TMTC2: variants seen among roughly 807,000 people sequenced by gnomAD.
TMTC2 encodes protein O-mannosyl-transferase TMTC2.
Under a neutral mutation model 82.4 loss-of-function variants are expected in TMTC2, and 43 were observed. The ratio of observed to expected loss-of-function variants is 0.52; its 90% CI spans 0.41 to 0.67. The LOEUF (loss-of-function observed/expected upper bound fraction) is 0.67. Ranked by LOEUF, TMTC2 falls within the 30% of genes least tolerant of loss-of-function variation. TMTC2 has a pLI of 0.00. For missense variants in TMTC2, 919 were observed against 1,012.4 expected, an observed-to-expected ratio of 0.91 and a Z score of 1.25; for synonymous variants, 408 against 381.9, an observed-to-expected ratio of 1.07 and a Z score of -0.80.
At chr12:83,080,763 A>G (rs774193438) in intron 11 of TMTC2, among the ~76,000 whole-genome samples, 9 of 152,220 alleles carry the variant, frequency 5.9e-5, no homozygotes, top group African/African-American at 9.6e-5. Flanking sequence ...AATTGTCCAG[A>G]GTATCTAATC....
intron 11 of TMTC2, 91 bp downstream of exon 11, chr12:83,061,922 TTTTTG>T (rs139869818): frequency 5.6e-6 from 6 of 1,067,742 alleles, no homozygotes; most frequent in South Asian, 2.1e-5. Context: ...GGTTTTTTGT[TTTTTG>T]TTTTGTTTTG....
chr12:83,019,860 G>A lies in TMTC2; in HGVS notation c.2071-10938G>A, dbSNP rs148562217. Among the ~76,000 whole-genome samples the A allele has an allele frequency of 5.4e-3, 820 of 152,188 alleles. 6 individuals are homozygous for A. The highest frequency in any genetic ancestry group is 0.018 in the African/African-American group (762 of 41,538). The stretch of plus-strand genomic sequence containing the variant: ...AGTGATATTCATAAAACAGCGGCTA[G>A]CATCTTAGTATGACTGATAAGCCAG... On this transcript the variant is annotated intron_variant, in intron 8 of 11. Coordinates refer to ENST00000321196, the MANE Select transcript of TMTC2 (RefSeq NM_152588.3).
At chr12:83,117,057 T>G (rs1010604818) in intron 11 of TMTC2, among the ~76,000 whole-genome samples, 3 of 152,212 alleles carry the variant, frequency 2.0e-5, no homozygotes, top group African/African-American at 7.2e-5. Flanking sequence ...TTTTATACTT[T>G]CAGGTCTTAG....
At chr12:83,006,995 A>T (rs1655596) in intron 8 of TMTC2, among the ~76,000 whole-genome samples, 4 of 151,870 alleles carry the variant, frequency 2.6e-5, no homozygotes, top group East Asian at 1.9e-4. Flanking sequence ...GTAAATGACG[A>T]GTTGATGGGT....
rs989695738 is a variant in TMTC2 at position 83,132,857 on chromosome 12, A to T, written c.*468A>T. 1 of 156,732 alleles carries T rather than the reference A, an allele frequency of 6.4e-6. No individual in the cohort carries two copies. Among genetic ancestry groups the T allele is most frequent in the African/African-American group, 2.4e-5 (1 of 41,456 alleles). 9.7% of individuals were successfully genotyped at this position (156,732 alleles called of 1,614,324 possible). A position where few individuals can be genotyped will look rare whatever the true frequency, so the allele number is the denominator to read the frequency against. On this transcript the variant is annotated 3_prime_UTR_variant, in exon 12 of 12. Coordinates refer to ENST00000321196, the MANE Select transcript of TMTC2 (RefSeq NM_152588.3). ...TCCCAGTGAGCCGCCGGTTGTCCTA[A>T]CGCTGCTGTCTTCCCTGTTTGGGAC...
Position 82,687,619 on chromosome 12 carries a change from G to A in TMTC2, c.33G>A (p.Gly11=), listed in dbSNP as rs754117476. Residue 11 remains glycine (G), a synonymous_variant, in exon 1 of 12, where the codon GGG becomes GGA. Coordinates refer to ENST00000321196, the MANE Select transcript of TMTC2 (RefSeq NM_152588.3). The part of the protein sequence containing the change: MIAELVSSAL[G]LALYLNTLSA... ...CAGAGTTGGTGAGCAGCGCTCTGGG[G>A]CTCGCCTTGTATCTCAACACCCTGA... 6.2e-7 allele frequency: 1 copy of A among 1,603,500 alleles called. No homozygotes were observed. The highest frequency in any genetic ancestry group is 8.5e-7 in the Non-Finnish European group (1 of 1,176,320).
At chr12:83,127,183 A>G (rs907896542) in intron 11 of TMTC2, among the ~76,000 whole-genome samples, 1 of 152,136 alleles carries the variant, frequency 6.6e-6, no homozygotes, top group Non-Finnish European at 1.5e-5. Context: ...AAATATCCCA[A>G]AGATGTGTTG....
rs1477099251 is a variant in TMTC2 at position 82,857,353 on chromosome 12, G to T, written c.427G>T (p.Gly143Trp). Residue 143 changes from glycine (G) to tryptophan (W), a missense_variant, in exon 2 of 12, where the codon GGG (glycine) becomes TGG (tryptophan). Physicochemically the swap from Gly to Trp is radical, Grantham distance 184 (BLOSUM62 -2). Transcript: ENST00000321196. Reference protein sequence around the residue: ...VAGIVGRADVGASLFFLLSLL... With the variant: ...VAGIVGRADVWASLFFLLSLL... Reference sequence around the variant, plus strand: ...AGGAATCGTGGGACGAGCCGATGTCGGGGCCAGTCTCTTCTTTCTCCTCTC... The same window carrying T: ...AGGAATCGTGGGACGAGCCGATGTCTGGGCCAGTCTCTTCTTTCTCCTCTC... 1 of 1,614,122 alleles carries T rather than the reference G, an allele frequency of 6.2e-7. No individual in the cohort carries two copies. Among genetic ancestry groups the T allele is most frequent in the Admixed American group, 1.7e-5 (1 of 60,022 alleles).
chr12:82,765,666 C>G (rs1876908772), intron 1 of TMTC2, among the ~76,000 whole-genome samples: 1 of 151,520 alleles, frequency 6.6e-6, no homozygotes. Context: ...AAGAGTGAAA[C>G]TCCATCTCGA....
chr12:83,056,998 G>C (rs1225277841), intron 10 of TMTC2, among the ~76,000 whole-genome samples: 1 of 151,764 alleles, frequency 6.6e-6, no homozygotes, highest in African/African-American at 2.4e-5. Context: ...TTGATTCTTG[G>C]ACCACCACTT....
At chr12:82,970,417 C>T (rs1316633398) in intron 7 of TMTC2, among the ~76,000 whole-genome samples, 1 of 152,056 alleles carries the variant, frequency 6.6e-6, no homozygotes, top group Admixed American at 6.5e-5. Flanking sequence ...CTGCAAGCTC[C>T]GCTTCCCGGG....
chr12:82,735,733 G>A (rs1329581438), intron 1 of TMTC2, among the ~76,000 whole-genome samples: 7 of 151,484 alleles, frequency 4.6e-5, no homozygotes, highest in African/African-American at 4.8e-5. Flanking sequence ...TTGGGAGCCC[G>A]AGTCAGGTGG....
At chr12:83,107,039 G>A (rs962157228) in intron 11 of TMTC2, among the ~76,000 whole-genome samples, 9 of 152,206 alleles carry the variant, frequency 5.9e-5, no homozygotes, top group East Asian at 1.9e-4. Flanking sequence ...TGTGGTTAAT[G>A]TTAGGGCAGA....
chr12:82,997,370 A>ATATATATATATGTG (rs1175103186), intron 8 of TMTC2, among the ~76,000 whole-genome samples: 89 of 17,194 alleles, frequency 5.2e-3, no homozygotes, highest in African/African-American at 0.011. Context: ...ATATATGTGT[A>ATATATATATATGTG]TATATATATA....
At chr12:82,854,395 C>G (rs905523661) in intron 1 of TMTC2, among the ~76,000 whole-genome samples, 1 of 152,138 alleles carries the variant, frequency 6.6e-6, no homozygotes, top group African/African-American at 2.4e-5. Context: ...CCTAAGGACA[C>G]CTTGTGGGCC....
intron 11 of TMTC2, among the ~76,000 whole-genome samples, chr12:83,109,289 AAC>A (rs1333131094): frequency 6.6e-6 from 1 of 152,168 alleles, no homozygotes; most frequent in Non-Finnish European, 1.5e-5. Flanking sequence ...CATACTTTTA[AAC>A]ACACCAGATT....
intron 4 of TMTC2, among the ~76,000 whole-genome samples, chr12:82,942,772 G>C (rs1282366368): frequency 6.6e-6 from 1 of 152,060 alleles, no homozygotes; most frequent in Non-Finnish European, 1.5e-5. Context: ...CTGCAGAATG[G>C]TAAAGGAGAA....
chr12:83,001,544 A>C (rs1262304773), intron 8 of TMTC2, among the ~76,000 whole-genome samples: 2 of 150,620 alleles, frequency 1.3e-5, no homozygotes, highest in Non-Finnish European at 3.0e-5. Context: ...CTGAGGCAGG[A>C]GAATCGCTTG....
chr12:82,764,857 T>A (rs1876857728), intron 1 of TMTC2, among the ~76,000 whole-genome samples: 2 of 147,284 alleles, frequency 1.4e-5, no homozygotes. Flanking sequence ...TTTTTTAACA[T>A]AAGATGACAT....
Sources: allele counts gnomAD v4.1 joint callset (sites outside exome capture counted in the v4.1 genomes callset), GRCh38; gene constraint gnomAD v4.1.1; transcripts MANE v1.5; gene names NCBI Gene and HGNC (gene_info 2026-07-23, HGNC 2026-07-21).